Variants in DNER observed in about 807,000 individuals in gnomAD.
DNER encodes delta and Notch-like epidermal growth factor-related receptor.
Under a neutral mutation model 78.2 loss-of-function variants are expected in DNER, and 33 were observed. The ratio of observed to expected loss-of-function variants is 0.42; its 90% confidence interval spans 0.32 to 0.56. DNER has a LOEUF of 0.56. Ranked by LOEUF, DNER falls within the 20% of genes least tolerant of loss-of-function variation. DNER has a pLI of 0.11. For synonymous variants in DNER, 417 were observed against 384.8 expected (o/e 1.08, Z -0.98); for missense variants, 918 against 975.3 (o/e 0.94, Z 0.78).
intron 1 of DNER, among the ~76,000 whole-genome samples, chr2:229,624,292 G>A (rs988201412): frequency 6.6e-6 from 1 of 152,150 alleles, no homozygotes; most frequent in African/African-American, 2.4e-5. Context: ...GGAAGATGGA[G>A]TAAGCCACGA....
At chr2:229,638,048 T>C (rs1002979529) in intron 1 of DNER, among the ~76,000 whole-genome samples, 11 of 152,238 alleles carry the variant, frequency 7.2e-5, no homozygotes, top group African/African-American at 2.7e-4. Flanking sequence ...AGGATTTTTC[T>C]TCCTTAAATT....
intron 1 of DNER, among the ~76,000 whole-genome samples, chr2:229,690,811 A>G (rs1219692899): frequency 6.6e-6 from 1 of 152,236 alleles, no homozygotes; most frequent in Non-Finnish European, 1.5e-5. Flanking sequence ...GAGCAGAGTA[A>G]TGGGGTTTGT....
At chr2:229,583,328 G>A (rs903183483) in intron 4 of DNER, among the ~76,000 whole-genome samples, 21 of 152,186 alleles carry the variant, frequency 1.4e-4, no homozygotes, top group African/African-American at 4.6e-4. Context: ...TAATTTAAAC[G>A]TGCTCAAAAC....
chr2:229,542,191 C>T (rs1696529274), intron 5 of DNER, among the ~76,000 whole-genome samples: 1 of 151,972 alleles, frequency 6.6e-6, no homozygotes, highest in Non-Finnish European at 1.5e-5. Flanking sequence ...CAATAGGCCG[C>T]AGCTGGTAGC....
chr2:229,453,939 A>AAAAAAAAAAAAAG (rs1694516185), intron 7 of DNER, among the ~76,000 whole-genome samples: 1 of 138,280 alleles, frequency 7.2e-6, no homozygotes, highest in Non-Finnish European at 1.6e-5. Context: ...AAAAAAAAAA[A>AAAAAAAAAAAAAG]AAAGAAAGAA....
rs116776668 is a variant in DNER at position 229,692,842 on chromosome 2, G to A, written c.276+21306C>T. ...TTTATAAAGTATTTTTCTTATATAA[G>A]GATGAGCAGATAGCTGTTATAAGAA... On this transcript the variant is annotated intron_variant, in intron 1 of 12. Coordinates refer to ENST00000341772, the MANE Select transcript of DNER (RefSeq NM_139072.4). Among the ~76,000 whole-genome samples, 1,203 of 151,848 alleles carry A rather than the reference G, an allele frequency of 7.9e-3. 18 individuals carry two copies. Among genetic ancestry groups the A allele is most frequent in the African/African-American group, 0.027 (1,134 of 41,442 alleles).
At chr2:229,373,642 C>G (rs371377162) in intron 11 of DNER, among the ~76,000 whole-genome samples, 1 of 152,176 alleles carries the variant, frequency 6.6e-6, no homozygotes, top group East Asian at 1.9e-4. Context: ...CTTGCACGTT[C>G]ACTGCAGCAC....
intron 12 of DNER, among the ~76,000 whole-genome samples, chr2:229,360,658 C>A (rs1254849029): frequency 6.6e-6 from 1 of 152,108 alleles, no homozygotes; most frequent in Non-Finnish European, 1.5e-5. Context: ...GTGATCCACC[C>A]GCCTCGGCCT....
chr2:229,485,218 G>T (rs1695246691), intron 6 of DNER, among the ~76,000 whole-genome samples: 1 of 152,156 alleles, frequency 6.6e-6, no homozygotes, highest in African/African-American at 2.4e-5. Flanking sequence ...GGCACAGCCG[G>T]GAAAGCCCTC....
At chr2:229,702,987 T>C (rs1011751686) in intron 1 of DNER, among the ~76,000 whole-genome samples, 1 of 151,808 alleles carries the variant, frequency 6.6e-6, no homozygotes, top group Non-Finnish European at 1.5e-5. Flanking sequence ...TGGAGGATTC[T>C]TGTCATCTCA....
intron 1 of DNER, among the ~76,000 whole-genome samples, chr2:229,643,954 C>T (rs34056484): frequency 0.43 from 64,719 of 151,842 alleles, 17,016 homozygotes; most frequent in Non-Finnish European, 0.59. Context: ...AAGAACCACG[C>T]AAATGCCCCT....
At chr2:229,588,646 A>G (rs1377663589) in intron 2 of DNER, among the ~76,000 whole-genome samples, 158 bp from the exon 3 acceptor site, 1 of 152,246 alleles carries the variant, frequency 6.6e-6, no homozygotes, top group African/African-American at 2.4e-5. Context: ...ACAAACTCAA[A>G]AGAAAATGAA....
intron 1 of DNER, among the ~76,000 whole-genome samples, chr2:229,600,590 T>G (rs573867790): frequency 1.3e-5 from 2 of 152,336 alleles, no homozygotes; most frequent in South Asian, 4.1e-4. Flanking sequence ...CAGATATTCT[T>G]TTAGTCATAA....
intron 1 of DNER, among the ~76,000 whole-genome samples, chr2:229,676,438 G>C (rs1030909572): frequency 1.3e-5 from 2 of 152,228 alleles, no homozygotes; most frequent in Admixed American, 6.5e-5. Context: ...AATCATAGTT[G>C]AATAAGGTTA....
At chr2:229,605,173 C>G (rs545688209) in intron 1 of DNER, among the ~76,000 whole-genome samples, 6 of 152,006 alleles carry the variant, frequency 3.9e-5, no homozygotes, top group African/African-American at 1.4e-4. Context: ...AGAGGTCACC[C>G]GTAAAAGCCC....
At chr2:229,424,247 T>G (rs1693826180) in intron 8 of DNER, among the ~76,000 whole-genome samples, 1 of 152,196 alleles carries the variant, frequency 6.6e-6, no homozygotes. Context: ...TGTGTTAACT[T>G]GTTTAATTCT....
In DNER at chr2:229,714,472, G is replaced by T; in HGVS notation, c.-49C>A. ...CCGGAGCCAGGACGCAGTGACGGCG[G>T]CGGCGGTGGCAGTGGCGACGAGAGC... On this transcript the variant is annotated 5_prime_UTR_variant, in exon 1 of 13. Transcript: ENST00000341772. 9.1e-7 allele frequency: 1 copy of T among 1,097,206 alleles called. No homozygotes were observed. The highest frequency in any genetic ancestry group is 4.3e-5 in the South Asian group (1 of 23,246). The allele number at this position is 1,097,206 out of a possible 1,614,324, so 68.0% of individuals were successfully genotyped here.
chr2:229,378,290 T>A (rs1021577297), intron 11 of DNER, among the ~76,000 whole-genome samples: 1 of 152,176 alleles, frequency 6.6e-6, no homozygotes, highest in Non-Finnish European at 1.5e-5. Flanking sequence ...TTTGTGGTAA[T>A]TTGTTACAGT....
At chr2:229,413,960 A>G (rs1693587329) in intron 9 of DNER, among the ~76,000 whole-genome samples, 1 of 152,016 alleles carries the variant, frequency 6.6e-6, no homozygotes, top group Admixed American at 6.6e-5. Flanking sequence ...TCCTGAATGT[A>G]TACAGACATA....
Sources: allele counts gnomAD v4.1 joint callset (sites outside exome capture counted in the v4.1 genomes callset), GRCh38; gene constraint gnomAD v4.1.1; transcripts MANE v1.5; gene names NCBI Gene and HGNC (gene_info 2026-07-23, HGNC 2026-07-21).